NBAS: variants seen among roughly 807,000 people sequenced by gnomAD.
The protein encoded by NBAS is NBAS subunit of NRZ tethering complex.
In NBAS, 219 loss-of-function variants were observed where a neutral mutation model predicts 302.5. That is an observed-to-expected ratio of 0.72 (90% CI 0.65 to 0.81). The LOEUF is 0.81. NBAS is among the 30% of genes least tolerant of loss of function. The pLI, the probability that NBAS is intolerant of heterozygous loss-of-function variation, is 0.00. For synonymous variants in NBAS, 1,118 were observed against 1,021.6 expected, an observed-to-expected ratio of 1.09 and a Z score of -1.80; for missense variants, 2,932 against 2,841.6, an observed-to-expected ratio of 1.03 and a Z score of -0.72.
intron 44 of NBAS, among the ~76,000 whole-genome samples, chr2:15,270,683 T>C (rs560439418): frequency 6.6e-5 from 10 of 152,288 alleles, no homozygotes; most frequent in African/African-American, 2.4e-4. Flanking sequence ...ACCATCCCTG[T>C]CCTCAAAAAT....
intron 44 of NBAS, among the ~76,000 whole-genome samples, chr2:15,255,065 C>A (rs1432916688): frequency 6.6e-6 from 1 of 152,120 alleles, no homozygotes; most frequent in African/African-American, 2.4e-5. Flanking sequence ...GACTTCTTTT[C>A]TTCCGGGTTA....
the NBAS span, among the ~76,000 whole-genome samples, chr2:14,866,586 T>C: frequency 6.6e-6 from 1 of 152,144 alleles, no homozygotes; most frequent in Non-Finnish European, 1.5e-5. Flanking sequence ...AGCTCTGACA[T>C]GGAATGAGTA....
At chr2:14,902,791 C>G in the NBAS span, among the ~76,000 whole-genome samples, 1 of 152,090 alleles carries the variant, frequency 6.6e-6, no homozygotes, top group Admixed American at 6.5e-5. Context: ...GGTAATTAAT[C>G]AAATACACAG....
chr2:15,415,512 T>A, intron 25 of NBAS, 34 bp downstream of exon 25: 1 of 1,596,658 alleles, frequency 6.3e-7, no homozygotes, highest in Middle Eastern at 1.7e-4. Context: ...GGGGAAAAAG[T>A]GCCCAGAATT....
At chr2:15,204,262 A>T (rs1324380576) in intron 48 of NBAS, among the ~76,000 whole-genome samples, 1 of 152,106 alleles carries the variant, frequency 6.6e-6, no homozygotes, top group Non-Finnish European at 1.5e-5. Flanking sequence ...CTTTCAAAAA[A>T]GAAAAATAGA....
At chr2:14,846,076 AATCCAAAGAAGCCTACCTCAAGGC>A in the NBAS span, among the ~76,000 whole-genome samples, 2 of 152,188 alleles carry the variant, frequency 1.3e-5, no homozygotes, top group Admixed American at 6.5e-5. Context: ...AAGTAGATTT[AATCCAAAGAAGCCTACCTCAAGGC>A]ATTTAATAAT....
the NBAS span, among the ~76,000 whole-genome samples, chr2:15,081,544 G>A: frequency 5.4e-3 from 820 of 152,248 alleles, 7 homozygotes; most frequent in African/African-American, 0.019. Flanking sequence ...CAATGCCCAC[G>A]ACCTCTTCAT....
At chr2:15,238,772 T>C in intron 44 of NBAS, 86 bp from the exon 45 acceptor site, 1 of 1,200,832 alleles carries the variant, frequency 8.3e-7, no homozygotes, top group Non-Finnish European at 1.2e-6. Flanking sequence ...AGAACAAAAG[T>C]GAAATTTTTG....
the NBAS span, among the ~76,000 whole-genome samples, chr2:15,013,757 C>T: frequency 1.3e-5 from 2 of 152,096 alleles, no homozygotes; most frequent in Non-Finnish European, 2.9e-5. Flanking sequence ...GCACACCCTG[C>T]CTGGGTGACA....
chr2:15,304,640 T>G (rs1427048929), intron 40 of NBAS, among the ~76,000 whole-genome samples: 1 of 152,176 alleles, frequency 6.6e-6, no homozygotes, highest in Admixed American at 6.5e-5. Flanking sequence ...AAGTCCAGGT[T>G]GAGGTAGTCT....
chr2:14,952,239 C>T, the NBAS span, among the ~76,000 whole-genome samples: 2 of 152,184 alleles, frequency 1.3e-5, no homozygotes, highest in Admixed American at 6.5e-5. Flanking sequence ...GGCACTCTCA[C>T]GCCCAGGTGC....
chr2:14,973,006 C>A, the NBAS span, among the ~76,000 whole-genome samples: 1 of 152,224 alleles, frequency 6.6e-6, no homozygotes, highest in Non-Finnish European at 1.5e-5. Context: ...TTCCCTGTGA[C>A]ACTGCCTTTT....
At chr2:15,015,425 A>T in the NBAS span, among the ~76,000 whole-genome samples, 1 of 152,218 alleles carries the variant, frequency 6.6e-6, no homozygotes, top group African/African-American at 2.4e-5. Flanking sequence ...CAATACATTA[A>T]AAGGTCATTC....
chr2:15,186,085 T>A (rs199666008), intron 50 of NBAS, among the ~76,000 whole-genome samples: 1 of 147,250 alleles, frequency 6.8e-6, no homozygotes, highest in Non-Finnish European at 1.5e-5. Context: ...CATATATATA[T>A]ACACACACAC....
At chr2:14,848,100 C>T in the NBAS span, among the ~76,000 whole-genome samples, 31,602 of 151,746 alleles carry the variant, frequency 0.21, 5,292 homozygotes, top group African/African-American at 0.46. Context: ...AGGAACAGCT[C>T]CAGTCTACAG....
At chr2:15,247,604 A>T (rs1357647662) in intron 44 of NBAS, among the ~76,000 whole-genome samples, 1 of 152,014 alleles carries the variant, frequency 6.6e-6, no homozygotes, top group African/African-American at 2.4e-5. Context: ...AACAAAGATC[A>T]AAAGAGACAA....
At chr2:15,057,249 C>T in the NBAS span, among the ~76,000 whole-genome samples, 3 of 150,358 alleles carry the variant, frequency 2.0e-5, no homozygotes, top group South Asian at 2.1e-4. Flanking sequence ...GCAAGCACTC[C>T]GTGTTCTCAG....
chr2:14,818,201 C>T, the NBAS span, among the ~76,000 whole-genome samples: 2 of 152,140 alleles, frequency 1.3e-5, no homozygotes, highest in Non-Finnish European at 2.9e-5. Context: ...CCTCCTACTT[C>T]GTGTCCAATA....
the NBAS span, among the ~76,000 whole-genome samples, chr2:15,038,837 G>T: frequency 6.6e-6 from 1 of 152,188 alleles, no homozygotes; most frequent in Non-Finnish European, 1.5e-5. Context: ...AGTGGGATGG[G>T]GAGGAAGTCA....
Sources: allele counts gnomAD v4.1 joint callset (sites outside exome capture counted in the v4.1 genomes callset), GRCh38; gene constraint gnomAD v4.1.1; transcripts MANE v1.5; gene names NCBI Gene and HGNC (gene_info 2026-07-23, HGNC 2026-07-21).